Variants in PDE6C observed in about 807,000 individuals in gnomAD.
PDE6C encodes the protein phosphodiesterase 6C.
Under a neutral mutation model 113.1 loss-of-function variants are expected in PDE6C, and 75 were observed. That is an observed-to-expected ratio of 0.66 (90% CI 0.55 to 0.80). The LOEUF (loss-of-function observed/expected upper bound fraction) is 0.80. PDE6C is among the 30% of genes least tolerant of loss of function. The pLI, the probability that PDE6C is intolerant of heterozygous loss-of-function variation, is 0.00. For missense variants in PDE6C, 912 were observed against 1,038.6 expected (o/e 0.88, Z 1.67); for synonymous variants, 375 against 363.7 (o/e 1.03, Z -0.35).
intron 20 of PDE6C, 24 bp from the exon 21 acceptor site, chr10:93,663,004 T>C: frequency 6.3e-7 from 1 of 1,597,712 alleles, no homozygotes; most frequent in Non-Finnish European, 8.6e-7. Context: ...ATTTATGTAG[T>C]TTCTGACCTA....
Position 93,663,172 on chromosome 10 carries a change from GA to G in PDE6C, c.2517del (p.Ala840LeufsTer17). On this transcript the variant is annotated frameshift_variant, in exon 21 of 22. Transcript: ENST00000371447. LOFTEE classifies it high-confidence loss of function. ...EEAKKQEGGAEKAAEDSGGGD... is the reference protein window; with the variant it reads ...EEAKKQEGGAXKAAEDSGGGD... ...GGCAAAAAAGCAAGAAGGAGGAGCC[GA>G]AAAAGGTTAGATGGGCTCTGTTTTT... is the stretch of plus-strand genomic sequence containing the variant. 6.2e-7 allele frequency: 1 copy of G among 1,613,180 alleles called. No homozygotes were observed. Among genetic ancestry groups the G allele is most frequent in the Non-Finnish European group, 8.5e-7 (1 of 1,179,584 alleles).
Position 93,636,990 on chromosome 10 carries a change from T to C in PDE6C, c.1414-5T>C. On this transcript the variant is annotated splice_polypyrimidine_tract_variant and splice_region_variant and intron_variant, in intron 10 of 21. Transcript: ENST00000371447. ...TTTCACACCTCAATTGCTTTTACAT[T>C]TTAGAAATTTCAAGAGAAGTTAAAT... 3 of 1,548,852 alleles carry C rather than the reference T, an allele frequency of 1.9e-6. No homozygotes were observed. Among genetic ancestry groups the C allele is most frequent in the Non-Finnish European group, 2.7e-6 (3 of 1,121,044 alleles).
intron 15 of PDE6C, among the ~76,000 whole-genome samples, chr10:93,654,772 T>TTCTTTCTTTC (rs758127367): frequency 2.0e-5 from 1 of 49,852 alleles, no homozygotes; most frequent in African/African-American, 7.9e-5. Flanking sequence ...CTTTCTTTCT[T>TTCTTTCTTTC]TCTTTCTTTC....
chr10:93,637,278 A>G (rs1055434732), intron 11 of PDE6C, among the ~76,000 whole-genome samples: 7 of 152,068 alleles, frequency 4.6e-5, no homozygotes, highest in Admixed American at 1.3e-4. Context: ...TCATACAGAT[A>G]ATTTACAATT....
chr10:93,613,186 A>AT lies in PDE6C; in HGVS notation c.462dup (p.Val155CysfsTer12). ...GCTGCTCACACGAAGAAAACTCATA[A>AT]TGTCCCAGATGTGAAAAAGGTAGGT... On this transcript the variant is annotated frameshift_variant, in exon 1 of 22. Transcript: ENST00000371447. LOFTEE classifies it high-confidence loss of function. 1.2e-6 allele frequency: 2 copies of AT among 1,613,738 alleles called. No individual in the cohort carries two copies. Among genetic ancestry groups the AT allele is most frequent in the Non-Finnish European group, 1.7e-6 (2 of 1,180,018 alleles).
At chr10:93,660,993 A>C (rs577133419) in intron 18 of PDE6C, among the ~76,000 whole-genome samples, 2 of 152,236 alleles carry the variant, frequency 1.3e-5, no homozygotes, top group South Asian at 4.1e-4. Flanking sequence ...CTTCTTTCCC[A>C]AAGAAGTAAA....
intron 8 of PDE6C, among the ~76,000 whole-genome samples, chr10:93,633,835 A>G (rs2058514859): frequency 1.3e-5 from 2 of 152,346 alleles, no homozygotes; most frequent in Non-Finnish European, 2.9e-5. Context: ...GTGAGGTAAC[A>G]TAGTGGTAAG....
At chr10:93,641,534 C>T (rs556691656) in intron 14 of PDE6C, among the ~76,000 whole-genome samples, 25 of 151,944 alleles carry the variant, frequency 1.6e-4, no homozygotes, top group Non-Finnish European at 3.1e-4. Flanking sequence ...AGGAGGTAGA[C>T]GTGTGCCTCT....
rs1476452820 is a variant in PDE6C at position 93,641,004 on chromosome 10, G to A, written c.1822G>A (p.Gly608Ser). 2 of 1,609,472 alleles carry A rather than the reference G, an allele frequency of 1.2e-6. No homozygotes were observed. The highest frequency in any genetic ancestry group is 1.7e-5 in the Admixed American group (1 of 59,978). ...AAFCHDIDHRGTNNLYQMKST... is the reference protein window; with the variant it reads ...AAFCHDIDHRSTNNLYQMKST... The stretch of plus-strand genomic sequence containing the variant: ...TTTCTGCCATGATATTGACCACAGA[G>A]GCACCAATAATTTGTACCAGATGAA... Residue 608 changes from glycine (G) to serine (S), a missense_variant, in exon 14 of 22, where the codon GGC becomes AGC. Coordinates refer to ENST00000371447, the MANE Select transcript of PDE6C (RefSeq NM_006204.4).
intron 11 of PDE6C, 148 bp from the exon 12 acceptor site, chr10:93,639,922 A>G: frequency 1.2e-6 from 1 of 805,440 alleles, no homozygotes; most frequent in Non-Finnish European, 2.2e-6. Flanking sequence ...TGCAAACTGC[A>G]TCATCCAGTG....
At chr10:93,646,188 T>C in intron 15 of PDE6C, 141 bp downstream of exon 15, 2 of 635,826 alleles carry the variant, frequency 3.1e-6, no homozygotes, top group Non-Finnish European at 5.7e-6. Flanking sequence ...TGATAGAAAT[T>C]GCTATATTGA....
chr10:93,612,593 G>A lies in PDE6C; in HGVS notation c.-133G>A. ...AGCTCTGCTTTCTGCTTGACCTTTG[G>A]AAGTCCTATGAGGGACCATTTACGG... On this transcript the variant is annotated 5_prime_UTR_variant, in exon 1 of 22. Transcript: ENST00000371447. 1 of 1,220,874 alleles carries A rather than the reference G, an allele frequency of 8.2e-7. No homozygotes were observed. The allele number at this position is 1,220,874 out of a possible 1,614,324, so 75.6% of individuals were successfully genotyped here.
intron 9 of PDE6C, 125 bp downstream of exon 9, chr10:93,635,032 A>G (rs1589697881): frequency 4.1e-6 from 4 of 970,196 alleles, no homozygotes; most frequent in East Asian, 2.6e-5. Flanking sequence ...ACATAGCTGT[A>G]ACCAATATGT....
intron 21 of PDE6C, among the ~76,000 whole-genome samples, chr10:93,665,078 A>G (rs2133880919): frequency 6.6e-6 from 1 of 152,262 alleles, no homozygotes; most frequent in East Asian, 1.9e-4. Flanking sequence ...CATATTGACC[A>G]GGCTGGTCTT....
intron 1 of PDE6C, among the ~76,000 whole-genome samples, chr10:93,618,817 G>T (rs2058432101): frequency 6.6e-6 from 1 of 152,194 alleles, no homozygotes; most frequent in Admixed American, 6.5e-5. Context: ...ACCAGCCCTT[G>T]TTCCCTGGTG....
chr10:93,617,005 A>G (rs2058423261), intron 1 of PDE6C, among the ~76,000 whole-genome samples: 1 of 152,114 alleles, frequency 6.6e-6, no homozygotes, highest in South Asian at 2.1e-4. Context: ...TCCATAAACT[A>G]TGGGTGATCC....
intron 11 of PDE6C, among the ~76,000 whole-genome samples, chr10:93,637,317 A>G (rs898106509): frequency 1.3e-5 from 2 of 151,812 alleles, no homozygotes; most frequent in Admixed American, 6.6e-5. Context: ...TGCTTAGGGG[A>G]CTTCAGGCAC....
chr10:93,642,232 C>T (rs866314563), intron 14 of PDE6C, among the ~76,000 whole-genome samples: 7 of 152,126 alleles, frequency 4.6e-5, no homozygotes, highest in South Asian at 2.1e-4. Context: ...GACATTGTGG[C>T]GTGCACCTGC....
intron 18 of PDE6C, among the ~76,000 whole-genome samples, chr10:93,660,489 T>A (rs905187054): frequency 2.0e-5 from 3 of 152,092 alleles, no homozygotes; most frequent in African/African-American, 7.2e-5. Context: ...TGAATGAAGG[T>A]CTTATGATCT....
Sources: allele counts gnomAD v4.1 joint callset (sites outside exome capture counted in the v4.1 genomes callset), GRCh38; gene constraint gnomAD v4.1.1; transcripts MANE v1.5; gene names NCBI Gene and HGNC (gene_info 2026-07-23, HGNC 2026-07-21).